Variants in PAK5 observed in about 807,000 individuals in gnomAD.
PAK5 encodes the protein serine/threonine-protein kinase PAK 5.
Under a neutral mutation model 65.9 loss-of-function variants are expected in PAK5, and 16 were observed. The ratio of observed to expected loss-of-function variants is 0.24; its 90% CI spans 0.16 to 0.37. The LOEUF (loss-of-function observed/expected upper bound fraction) is 0.37. Among genes scored for constraint, PAK5 ranks in the 10% least tolerant of loss-of-function variants. The pLI is 1.00. For synonymous variants in PAK5, 371 were observed against 354.9 expected, an observed-to-expected ratio of 1.05 and a Z score of -0.51; for missense variants, 785 against 903.9, an observed-to-expected ratio of 0.87 and a Z score of 1.69.
intron 1 of PAK5, among the ~76,000 whole-genome samples, chr20:9,833,799 T>G (rs1446366736): frequency 1.3e-5 from 2 of 152,232 alleles, no homozygotes; most frequent in Non-Finnish European, 2.9e-5. Context: ...TTTCTTTGTT[T>G]GCTCCTCAGT....
At chr20:9,796,875 C>A (rs1396047646) in intron 1 of PAK5, among the ~76,000 whole-genome samples, 1 of 152,060 alleles carries the variant, frequency 6.6e-6, no homozygotes, top group East Asian at 1.9e-4. Context: ...AGAGAAGGAG[C>A]ATGATTTATA....
intron 2 of PAK5, among the ~76,000 whole-genome samples, chr20:9,687,887 G>GT (rs2047740651): frequency 2.9e-5 from 1 of 34,970 alleles, no homozygotes; most frequent in African/African-American, 4.6e-4. Context: ...AGAGAGGGAG[G>GT]TGTGTGTGTG....
At chr20:9,609,061 G>T (rs982293724) in intron 3 of PAK5, among the ~76,000 whole-genome samples, 2 of 152,214 alleles carry the variant, frequency 1.3e-5, no homozygotes, top group African/African-American at 2.4e-5. Flanking sequence ...TGGTGGAAGG[G>T]CTCAGGATGA....
At chr20:9,828,857 T>A (rs1385742441) in intron 1 of PAK5, among the ~76,000 whole-genome samples, 1 of 152,220 alleles carries the variant, frequency 6.6e-6, no homozygotes, top group Non-Finnish European at 1.5e-5. Context: ...CTCTTTCCCC[T>A]TCTCTCCCTT....
At chr20:9,649,894 G>A (rs148321471) in intron 2 of PAK5, among the ~76,000 whole-genome samples, 1 of 152,182 alleles carries the variant, frequency 6.6e-6, no homozygotes. Context: ...CACAGATAAG[G>A]AAACTGAGGC....
At chr20:9,586,756 G>A (rs1825606050) in intron 3 of PAK5, among the ~76,000 whole-genome samples, 1 of 152,152 alleles carries the variant, frequency 6.6e-6, no homozygotes, top group Admixed American at 6.5e-5. Context: ...TTAATGTGTG[G>A]CCTCAGAACT....
intron 2 of PAK5, among the ~76,000 whole-genome samples, chr20:9,658,361 A>G (rs2123322403): frequency 6.6e-6 from 1 of 152,346 alleles, no homozygotes; most frequent in African/African-American, 2.4e-5. Context: ...TAGGATGGCC[A>G]CATGGACTCT....
chr20:9,570,616 A>G (rs1392842571), intron 4 of PAK5, among the ~76,000 whole-genome samples: 1 of 137,800 alleles, frequency 7.3e-6, no homozygotes, highest in Non-Finnish European at 1.5e-5. Context: ...TAGGCTAGTC[A>G]GCAAGGCCAG....
chr20:9,691,006 C>T (rs552262130), intron 2 of PAK5, among the ~76,000 whole-genome samples: 70 of 152,070 alleles, frequency 4.6e-4, no homozygotes, highest in Admixed American at 3.9e-4. Context: ...CCACCTGCCT[C>T]GGCCTCCCAA....
chr20:9,640,359 G>A (rs2123258912), intron 3 of PAK5, among the ~76,000 whole-genome samples: 1 of 151,732 alleles, frequency 6.6e-6, no homozygotes, highest in Non-Finnish European at 1.5e-5. Flanking sequence ...ATGGTTTCCA[G>A]CTTCATCCAT....
At chr20:9,700,051 C>T (rs80237655) in intron 2 of PAK5, among the ~76,000 whole-genome samples, 1,616 of 152,270 alleles carry the variant, frequency 0.011, 17 homozygotes, top group Middle Eastern at 0.044. Context: ...CACATACATA[C>T]ATTTTTGGGG....
At chr20:9,745,263 T>C (rs2048493228) in intron 1 of PAK5, among the ~76,000 whole-genome samples, 1 of 151,994 alleles carries the variant, frequency 6.6e-6, no homozygotes, top group South Asian at 2.1e-4. Flanking sequence ...AAATGGTGCA[T>C]TTATCTTTTT....
chr20:9,772,212 G>A (rs1239857914), intron 1 of PAK5, among the ~76,000 whole-genome samples: 1 of 152,176 alleles, frequency 6.6e-6, no homozygotes, highest in Non-Finnish European at 1.5e-5. Flanking sequence ...TAATGGATGA[G>A]AGCAGCCACC....
At chr20:9,704,675 G>A (rs2047983677) in intron 2 of PAK5, among the ~76,000 whole-genome samples, 1 of 152,070 alleles carries the variant, frequency 6.6e-6, no homozygotes, top group Admixed American at 6.6e-5. Flanking sequence ...TAAGCGCTGA[G>A]GTTTTAATTG....
intron 3 of PAK5, among the ~76,000 whole-genome samples, chr20:9,641,881 G>A (rs997505300): frequency 5.9e-5 from 9 of 152,168 alleles, no homozygotes; most frequent in Non-Finnish European, 8.8e-5. Context: ...TGGGTGCTCC[G>A]AGTGCGGGGC....
intron 3 of PAK5, among the ~76,000 whole-genome samples, chr20:9,627,244 C>T (rs1033751730): frequency 1.3e-5 from 2 of 152,172 alleles, no homozygotes; most frequent in Admixed American, 6.5e-5. Context: ...GGAGATTTGA[C>T]GAAAGCTATT....
intron 3 of PAK5, among the ~76,000 whole-genome samples, chr20:9,608,663 T>C (rs939832047): frequency 5.9e-5 from 9 of 152,250 alleles, no homozygotes; most frequent in African/African-American, 1.4e-4. Context: ...GAAAAATGTG[T>C]GTGCAATGTG....
At chr20:9,553,584 A>G (rs2045463636) in intron 7 of PAK5, among the ~76,000 whole-genome samples, 1 of 152,024 alleles carries the variant, frequency 6.6e-6, no homozygotes, top group African/African-American at 2.4e-5. Context: ...ATATATATAA[A>G]TATATGGAAT....
At chr20:9,624,776 G>C (rs1405660480) in intron 3 of PAK5, among the ~76,000 whole-genome samples, 1 of 152,008 alleles carries the variant, frequency 6.6e-6, no homozygotes, top group African/African-American at 2.4e-5. Context: ...AGATCACCCA[G>C]TCTGTAAAAG....
Sources: allele counts gnomAD v4.1 joint callset (sites outside exome capture counted in the v4.1 genomes callset), GRCh38; gene constraint gnomAD v4.1.1; transcripts MANE v1.5; gene names NCBI Gene and HGNC (gene_info 2026-07-23, HGNC 2026-07-21).